Variants in ADGRL3 observed in about 807,000 individuals in gnomAD.
ADGRL3 encodes adhesion G protein-coupled receptor L3.
In ADGRL3, 62 loss-of-function variants were observed where a neutral mutation model predicts 153.5. The observed-to-expected ratio is 0.40, with a 90% CI of 0.33 to 0.50. The LOEUF is 0.50. Ranked by LOEUF, ADGRL3 falls within the 20% of genes least tolerant of loss-of-function variation. The pLI is 0.47. For synonymous variants in ADGRL3, 710 were observed against 672.5 expected, an observed-to-expected ratio of 1.06 and a Z score of -0.86; for missense variants, 1,641 against 1,859.4, an observed-to-expected ratio of 0.88 and a Z score of 2.16.
intron 13 of ADGRL3, among the ~76,000 whole-genome samples, chr4:61,915,514 A>G (rs2098741335): frequency 6.6e-6 from 1 of 152,012 alleles, no homozygotes; most frequent in African/African-American, 2.4e-5. Flanking sequence ...TATGAAACAC[A>G]TGGTCATTCA....
chr4:61,712,462 A>G (rs933624547), intron 6 of ADGRL3, among the ~76,000 whole-genome samples: 1 of 152,186 alleles, frequency 6.6e-6, no homozygotes, highest in African/African-American at 2.4e-5. Flanking sequence ...CTAAACTCAT[A>G]CATTTCAAGC....
At chr4:61,332,842 G>T (rs2095601073) in intron 1 of ADGRL3, among the ~76,000 whole-genome samples, 1 of 152,022 alleles carries the variant, frequency 6.6e-6, no homozygotes, top group African/African-American at 2.4e-5. Flanking sequence ...TATATGTTAG[G>T]CCAAGGTTAA....
intron 9 of ADGRL3, among the ~76,000 whole-genome samples, chr4:61,871,016 T>C (rs6830346): frequency 0.41 from 61,885 of 151,946 alleles, 13,127 homozygotes; most frequent in South Asian, 0.48. Flanking sequence ...CGGTGGCTCA[T>C]GCCTGTAATC....
chr4:61,493,631 A>G (rs1431118573), intron 2 of ADGRL3, among the ~76,000 whole-genome samples: 2 of 152,126 alleles, frequency 1.3e-5, no homozygotes, highest in Non-Finnish European at 2.9e-5. Context: ...TGTCCTGAAA[A>G]GCACCACCCG....
intron 23 of ADGRL3, 75 bp from the exon 24 acceptor site, chr4:62,037,654 ACT>A (rs1725824569): frequency 6.9e-7 from 1 of 1,457,488 alleles, no homozygotes; most frequent in Non-Finnish European, 9.6e-7. Context: ...TAAAAATAAA[ACT>A]CACATACATT....
intron 2 of ADGRL3, among the ~76,000 whole-genome samples, chr4:61,480,572 G>C (rs2152732428): frequency 6.7e-6 from 1 of 149,184 alleles, no homozygotes; most frequent in Non-Finnish European, 1.5e-5. Flanking sequence ...GATCACCTGA[G>C]GTCAGGAGTT....
chr4:61,614,639 T>C (rs913018076), intron 5 of ADGRL3, among the ~76,000 whole-genome samples: 4 of 152,152 alleles, frequency 2.6e-5, no homozygotes, highest in Non-Finnish European at 5.9e-5. Context: ...GAAGGACATA[T>C]TGTATGTGGA....
In ADGRL3 at chr4:61,958,131, C is replaced by T. The variant is rs185019408; in HGVS notation, c.2805+9855C>T. On this transcript the variant is annotated intron_variant, in intron 17 of 26. Transcript: ENST00000683033. ...TTTATATTATAATCATCTCTTGAAACGTATTTATCTTCTCTAGACTGTGAC... is the reference window on the plus strand; with the variant it reads ...TTTATATTATAATCATCTCTTGAAATGTATTTATCTTCTCTAGACTGTGAC... Among the ~76,000 whole-genome samples, 7 of 152,206 alleles carry T rather than the reference C, an allele frequency of 4.6e-5. No individual in the cohort carries two copies. In the South Asian group the frequency reaches 6.2e-4, roughly 14 times the overall value.
chr4:61,733,973 C>T lies in ADGRL3; in HGVS notation c.1399+419C>T, dbSNP rs752028031. ...AACTTGATATTATGTTTCAGGAGCCCGCACCAATGTAGTCATCTCACAGAG... is the reference window on the plus strand; with the variant it reads ...AACTTGATATTATGTTTCAGGAGCCTGCACCAATGTAGTCATCTCACAGAG... On this transcript the variant is annotated intron_variant, in intron 8 of 26. Transcript: ENST00000683033. Among the ~76,000 whole-genome samples, 8 of 152,126 alleles carry T rather than the reference C, an allele frequency of 5.3e-5. No homozygotes were observed. The South Asian group carries it at 1.4e-3, about 28-fold the overall frequency.
At chr4:61,797,290 T>C (rs2097426460) in intron 8 of ADGRL3, among the ~76,000 whole-genome samples, 1 of 152,184 alleles carries the variant, frequency 6.6e-6, no homozygotes, top group Non-Finnish European at 1.5e-5. Context: ...GACTAATGTT[T>C]CAAAGTATCA....
intron 2 of ADGRL3, among the ~76,000 whole-genome samples, chr4:61,492,437 T>G (rs2098268767): frequency 6.6e-6 from 1 of 152,132 alleles, no homozygotes; most frequent in Non-Finnish European, 1.5e-5. Context: ...AGAAATGTGA[T>G]TTAAGAGTAG....
At chr4:61,421,793 A>T (rs1307232615) in intron 2 of ADGRL3, among the ~76,000 whole-genome samples, 1 of 152,310 alleles carries the variant, frequency 6.6e-6, no homozygotes, top group East Asian at 1.9e-4. Flanking sequence ...GATACAATTG[A>T]TGCCCATGAG....
chr4:61,719,811 C>T (rs1580442399), intron 6 of ADGRL3, among the ~76,000 whole-genome samples: 1 of 151,648 alleles, frequency 6.6e-6, no homozygotes, highest in African/African-American at 2.4e-5. Flanking sequence ...TTATGTTGGC[C>T]AGGCTGGTCT....
chr4:61,304,220 T>C (rs1382863449), intron 1 of ADGRL3, among the ~76,000 whole-genome samples: 1 of 152,254 alleles, frequency 6.6e-6, no homozygotes, highest in Non-Finnish European at 1.5e-5. Flanking sequence ...CTTCAGGTAA[T>C]TGATTCAATC....
At chr4:62,041,825 A>G (rs949323107) in intron 24 of ADGRL3, among the ~76,000 whole-genome samples, 1 of 152,050 alleles carries the variant, frequency 6.6e-6, no homozygotes, top group African/African-American at 2.4e-5. Context: ...CTCTGCCTGC[A>G]ATACTTCTCC....
At position 61,307,402 on chromosome 4, in the gene ADGRL3, T is replaced by C. The variant is rs74773986; in HGVS notation, c.-239-75722T>C. Among the ~76,000 whole-genome samples, 706 of 152,236 alleles carry C rather than the reference T, an allele frequency of 4.6e-3. 4 individuals carry two copies. The highest frequency in any genetic ancestry group is 0.017 in the African/African-American group (686 of 41,550). ...ACAGATTTCACAAAATAAATGTCAG[T>C]GTTAGTAAGTACCTTGCCCAAATTC... On this transcript the variant is annotated intron_variant, in intron 1 of 26. Transcript: ENST00000683033.
chr4:62,018,230 A>G (rs992113467), intron 21 of ADGRL3, among the ~76,000 whole-genome samples: 1 of 152,252 alleles, frequency 6.6e-6, no homozygotes, highest in South Asian at 2.1e-4. Context: ...GATGGAGTCT[A>G]GGCGTATTAA....
At chr4:61,864,441 C>T (rs2098381169) in intron 9 of ADGRL3, among the ~76,000 whole-genome samples, 1 of 152,086 alleles carries the variant, frequency 6.6e-6, no homozygotes, top group Non-Finnish European at 1.5e-5. Flanking sequence ...AACATAAAAC[C>T]TTGGCTCTTC....
chr4:61,278,863 A>G (rs2093602507), intron 1 of ADGRL3, among the ~76,000 whole-genome samples: 1 of 152,212 alleles, frequency 6.6e-6, no homozygotes, highest in Non-Finnish European at 1.5e-5. Context: ...GGTTTTGAGC[A>G]CATATACAAA....
Sources: gnomAD v4.1 joint callset for allele counts (sites outside exome capture counted in the v4.1 genomes callset) on GRCh38, gnomAD v4.1.1 for gene constraint, MANE v1.5 for transcripts, NCBI Gene and HGNC (gene_info 2026-07-23, HGNC 2026-07-21) for gene names.